The following AKAP13 variants were observed in gnomAD, a reference collection of about 807,000 sequenced individuals.
The protein encoded by AKAP13 is A-kinase anchor protein 13.
AKAP13 carries 80 observed loss-of-function variants against 264.5 expected under a neutral mutation model. That is an observed-to-expected ratio of 0.30 (90% confidence interval 0.25 to 0.36). The LOEUF (loss-of-function observed/expected upper bound fraction) is 0.36, where lower values mean the gene tolerates loss of function less well. AKAP13 is among the 10% of genes least tolerant of loss of function. The probability of loss-of-function intolerance (pLI) is 1.00; values close to 1 mark genes in which losing one functional copy is unlikely to be tolerated. For synonymous variants in AKAP13, 1,380 were observed against 1,250.2 expected (o/e 1.10, Z -2.19); for missense variants, 3,712 against 3,435.2 (o/e 1.08, Z -2.01).
At chr15:85,451,884 T>C (rs1205290933) in intron 1 of AKAP13, among the ~76,000 whole-genome samples, 1 of 152,248 alleles carries the variant, frequency 6.6e-6, no homozygotes, top group Non-Finnish European at 1.5e-5. Context: ...AGGAGTTCTT[T>C]GTATTTTCTG....
intron 1 of AKAP13, among the ~76,000 whole-genome samples, chr15:85,471,603 C>T (rs536823157): frequency 3.9e-5 from 6 of 152,334 alleles, no homozygotes; most frequent in African/African-American, 4.8e-5. Flanking sequence ...CTGATAACTG[C>T]GTACGTAACC....
At chr15:85,555,372 G>A (rs1383552235) in intron 5 of AKAP13, 3 of 1,226,312 alleles carry the variant, frequency 2.4e-6, no homozygotes, top group African/African-American at 1.6e-5. Flanking sequence ...TAAACTTGGA[G>A]CGAAACACGC....
Position 85,730,571 on chromosome 15 carries a change from T to C in AKAP13, c.7146T>C (p.Ile2382=). The change falls in exon 30 of 37, where the codon ATT becomes ATC. Residue 2382 remains isoleucine, a synonymous_variant. Coordinates refer to ENST00000394518, the MANE Select transcript of AKAP13 (RefSeq NM_007200.5). The stretch of plus-strand genomic sequence containing the variant: ...TCTTGTTGGAAGAGAAGGAGATGAT[T>C]TTCCGGGACATGGCTGAGTGCAGCA... ...ILLLLEEKEM[I]FRDMAECSTP... The C allele has an allele frequency of 6.2e-7, 1 of 1,614,108 alleles. No individual in the cohort carries two copies. Among genetic ancestry groups the C allele is most frequent in the Admixed American group, 1.7e-5 (1 of 60,008 alleles).
At chr15:85,657,360 G>T (rs376145) in intron 11 of AKAP13, among the ~76,000 whole-genome samples, 1 of 151,924 alleles carries the variant, frequency 6.6e-6, no homozygotes, top group Non-Finnish European at 1.5e-5. Context: ...GTCCCTGCCT[G>T]CATGGAGCTC....
intron 8 of AKAP13, among the ~76,000 whole-genome samples, chr15:85,604,028 G>C (rs1380681641): frequency 6.6e-6 from 1 of 152,128 alleles, no homozygotes; most frequent in Non-Finnish European, 1.5e-5. Flanking sequence ...TGTGTTGAGT[G>C]TCTCAAAAGA....
intron 15 of AKAP13, among the ~76,000 whole-genome samples, chr15:85,684,203 A>T (rs1018176640): frequency 1.6e-4 from 25 of 152,232 alleles, no homozygotes; most frequent in African/African-American, 6.0e-4. Flanking sequence ...TAGATTCCAT[A>T]TAAAATAATT....
chr15:85,702,537 C>G (rs144603053), intron 17 of AKAP13: 3 of 151,882 alleles, frequency 2.0e-5, no homozygotes, highest in African/African-American at 7.3e-5. Context: ...AGTCGTTTAC[C>G]TCCTAGGAAA....
intron 17 of AKAP13, among the ~76,000 whole-genome samples, chr15:85,697,359 A>G (rs934517132): frequency 1.3e-5 from 2 of 152,154 alleles, no homozygotes; most frequent in South Asian, 2.1e-4. Context: ...TCACAAGGTC[A>G]GGAGTTCAAG....
intron 5 of AKAP13, among the ~76,000 whole-genome samples, chr15:85,563,524 TAAA>T (rs1339497160): frequency 6.6e-6 from 1 of 152,060 alleles, no homozygotes; most frequent in Non-Finnish European, 1.5e-5. Flanking sequence ...CTTTGACTCA[TAAA>T]AAAATTTTTC....
intron 16 of AKAP13, among the ~76,000 whole-genome samples, chr15:85,687,941 G>A (rs898675505): frequency 6.6e-6 from 1 of 151,638 alleles, no homozygotes; most frequent in Non-Finnish European, 1.5e-5. Context: ...TCAGGAGGCT[G>A]AGGCAAGAGG....
chr15:85,560,765 AT>A (rs1030926854), intron 5 of AKAP13, among the ~76,000 whole-genome samples: 17 of 152,096 alleles, frequency 1.1e-4, no homozygotes, highest in African/African-American at 4.1e-4. Context: ...TTACCTACTG[AT>A]TTTTTGCTTC....
chr15:85,386,534 C>G (rs2070570694), intron 1 of AKAP13, among the ~76,000 whole-genome samples: 1 of 152,032 alleles, frequency 6.6e-6, no homozygotes, highest in African/African-American at 2.4e-5. Context: ...AGTGAGCCAC[C>G]CACCGCAGCC....
rs770097219 is a variant in AKAP13, at chr15:85,655,813, T to C, written c.4745+26T>C. The C allele has an allele frequency of 8.9e-6, 14 of 1,576,216 alleles. No homozygotes were observed. The South Asian group carries it at 1.5e-4, about 17-fold the overall frequency. ...GTGAGATGGGAGGCGGTTTGTTTAG[T>C]GTCTCAGTGTCTGCTTGCTTTTGAG... is the stretch of plus-strand genomic sequence containing the variant. On this transcript the variant is annotated intron_variant, in intron 11 of 36. Coordinates refer to ENST00000394518, the MANE Select transcript of AKAP13 (RefSeq NM_007200.5).
rs1009760718 is a variant in AKAP13 at position 85,583,130 on chromosome 15, G to A, written c.4039+1023G>A. 5.1e-6 allele frequency: 5 copies of A among 985,326 alleles called. No homozygotes were observed. The African/African-American group carries it at 8.7e-5, about 17-fold the overall frequency. 61.0% of individuals were successfully genotyped at this position (985,326 alleles called of 1,614,324 possible). On this transcript the variant is annotated intron_variant, in intron 7 of 36. Coordinates refer to ENST00000394518, the MANE Select transcript of AKAP13 (RefSeq NM_007200.5). ...CACCTGTTACCAGCTGTAGACAGAA[G>A]ACCTATCTCCATGCTTGCCCCTAGG...
intron 2 of AKAP13, among the ~76,000 whole-genome samples, chr15:85,513,798 A>T (rs150991868): frequency 1.1e-5 from 1 of 88,476 alleles, no homozygotes; most frequent in Admixed American, 1.1e-4. Context: ...TGAAGAATAC[A>T]GTGCCCTCTC....
At chr15:85,393,723 C>G (rs969193061) in intron 1 of AKAP13, among the ~76,000 whole-genome samples, 4 of 152,128 alleles carry the variant, frequency 2.6e-5, no homozygotes, top group Non-Finnish European at 5.9e-5. Context: ...TTTAAGTTTG[C>G]TTCTCTCAAG....
intron 5 of AKAP13, among the ~76,000 whole-genome samples, chr15:85,559,947 A>G (rs1055533828): frequency 6.6e-6 from 1 of 152,062 alleles, no homozygotes; most frequent in East Asian, 1.9e-4. Context: ...GAAAAAGTAC[A>G]TTAGTGAGTG....
chr15:85,628,218 C>G (rs1482193763), intron 8 of AKAP13, among the ~76,000 whole-genome samples: 1 of 152,150 alleles, frequency 6.6e-6, no homozygotes, highest in Non-Finnish European at 1.5e-5. Context: ...TAAAATTATA[C>G]TTATAAACCG....
intron 1 of AKAP13, among the ~76,000 whole-genome samples, chr15:85,485,063 T>G (rs534455545): frequency 1.3e-5 from 2 of 152,348 alleles, no homozygotes; most frequent in African/African-American, 4.8e-5. Flanking sequence ...AATCACCAAG[T>G]TAAACTTTTA....
Sources: gnomAD v4.1 joint callset for allele counts (sites outside exome capture counted in the v4.1 genomes callset) on GRCh38, gnomAD v4.1.1 for gene constraint, MANE v1.5 for transcripts, NCBI Gene and HGNC (gene_info 2026-07-23, HGNC 2026-07-21) for gene names.